Variants in MGAT5 observed in about 807,000 individuals in gnomAD.
MGAT5 encodes alpha-1,6-mannosylglycoprotein 6-beta-N-acetylglucosaminyltransferase, also known as alpha-1,6-mannosylglycoprotein 6-beta-N-acetylglucosaminyltransferase A.
In MGAT5, 30 loss-of-function variants were observed where a neutral mutation model predicts 94.3. The observed-to-expected ratio is 0.32, with a 90% CI of 0.24 to 0.43. MGAT5 has a LOEUF of 0.43. Ranked by LOEUF, MGAT5 falls within the 20% of genes least tolerant of loss-of-function variation. MGAT5 has a pLI of 1.00. For synonymous variants in MGAT5, 310 were observed against 322.9 expected, an observed-to-expected ratio of 0.96 and a Z score of 0.43; for missense variants, 691 against 905.5, an observed-to-expected ratio of 0.76 and a Z score of 3.04.
In MGAT5 at chr2:134,422,937, C is replaced by T. The variant is rs1303246847; in HGVS notation, c.1794+18C>T. On this transcript the variant is annotated intron_variant, in intron 13 of 15. Transcript: ENST00000281923. Reference sequence around the variant, plus strand: ...ATCAGAAGGTTGGTTCATTTTATTCCACTTTCCCTCCTTTCTAATGTGACC... The same window carrying T: ...ATCAGAAGGTTGGTTCATTTTATTCTACTTTCCCTCCTTTCTAATGTGACC... 1.3e-6 allele frequency: 2 copies of T among 1,563,710 alleles called. No homozygotes were observed. The highest frequency in any genetic ancestry group is 1.7e-5 in the Admixed American group (1 of 59,882).
intron 15 of MGAT5, among the ~76,000 whole-genome samples, chr2:134,444,352 C>T (rs1396966334): frequency 6.6e-6 from 1 of 152,216 alleles, no homozygotes; most frequent in African/African-American, 2.4e-5. Flanking sequence ...CATGGGATCG[C>T]TGGACCCCAC....
At chr2:134,430,070 C>T (rs1465911777) in intron 14 of MGAT5, among the ~76,000 whole-genome samples, 1 of 152,194 alleles carries the variant, frequency 6.6e-6, no homozygotes, top group East Asian at 1.9e-4. Flanking sequence ...TCAAGGGCTG[C>T]TCACCCTTCC....
chr2:134,357,877 G>GAA (rs33942316), intron 9 of MGAT5, among the ~76,000 whole-genome samples: 8,472 of 147,506 alleles, frequency 0.057, 312 homozygotes, highest in South Asian at 0.14. Flanking sequence ...CCACCATTTG[G>GAA]AAAAAAAAAA....
At chr2:134,375,608 A>C (rs1037188221) in intron 10 of MGAT5, among the ~76,000 whole-genome samples, 3 of 152,278 alleles carry the variant, frequency 2.0e-5, no homozygotes, top group African/African-American at 7.2e-5. Context: ...CTTGCGTATC[A>C]GGACTTCAAA....
chr2:134,170,970 A>T (rs1274086378), intron 1 of MGAT5, among the ~76,000 whole-genome samples: 1 of 151,088 alleles, frequency 6.6e-6, no homozygotes, highest in Non-Finnish European at 1.5e-5. Flanking sequence ...GTGATTTCTC[A>T]TGCCTCAGCC....
At chr2:134,417,169 A>C (rs1175780224) in intron 12 of MGAT5, among the ~76,000 whole-genome samples, 1 of 152,082 alleles carries the variant, frequency 6.6e-6, no homozygotes, top group East Asian at 1.9e-4. Flanking sequence ...GCTAGAATTT[A>C]CTTTTTACTT....
chr2:134,325,010 TAA>T lies in MGAT5; in HGVS notation c.573+6283_573+6284del, dbSNP rs34721704. Among the ~76,000 whole-genome samples, 295 of 148,148 alleles carry T rather than the reference TAA, an allele frequency of 2.0e-3. 1 individual carries two copies. The highest frequency in any genetic ancestry group is 0.017 in the East Asian group (88 of 5,050). ...CTAAGACATCCTTAGTAAAAGAATT[TAA>T]AAAAAAAAAAATCCTGAGTTTACAG... On this transcript the variant is annotated intron_variant, in intron 4 of 15. Coordinates refer to ENST00000281923, the MANE Select transcript of MGAT5 (RefSeq NM_002410.5).
chr2:134,422,723 C>G (rs1489140810), intron 12 of MGAT5, 80 bp from the exon 13 acceptor site: 18 of 1,010,174 alleles, frequency 1.8e-5, no homozygotes, highest in Non-Finnish European at 2.5e-5. Context: ...AACTCAGTAC[C>G]ATAAAAAGCA....
chr2:134,326,016 G>A (rs940352778), intron 4 of MGAT5, among the ~76,000 whole-genome samples: 2 of 148,578 alleles, frequency 1.3e-5, no homozygotes, highest in African/African-American at 2.5e-5. Flanking sequence ...GAGTTGGGAG[G>A]CACATAATGC....
chr2:134,437,846 C>G (rs1685254477), intron 14 of MGAT5, among the ~76,000 whole-genome samples: 1 of 151,968 alleles, frequency 6.6e-6, no homozygotes. Context: ...GAAACCCCGT[C>G]TTTACTAAAA....
At chr2:134,371,571 G>C (rs934101555) in intron 10 of MGAT5, among the ~76,000 whole-genome samples, 3 of 152,162 alleles carry the variant, frequency 2.0e-5, no homozygotes, top group Non-Finnish European at 4.4e-5. Flanking sequence ...AATCATGCTT[G>C]GGATTGCCAC....
intron 12 of MGAT5, among the ~76,000 whole-genome samples, chr2:134,417,952 T>C (rs1401825689): frequency 6.6e-6 from 1 of 152,188 alleles, no homozygotes; most frequent in Non-Finnish European, 1.5e-5. Context: ...CCCTATCTTT[T>C]CTTACTGCAG....
At chr2:134,374,742 C>T (rs1266201453) in intron 10 of MGAT5, among the ~76,000 whole-genome samples, 1 of 152,220 alleles carries the variant, frequency 6.6e-6, no homozygotes, top group African/African-American at 2.4e-5. Context: ...CCTGTAATCC[C>T]AGTACTTTGG....
Position 134,338,362 on chromosome 2 carries a change from T to C in MGAT5, c.749T>C (p.Ile250Thr). 1 of 1,612,762 alleles carries C rather than the reference T, an allele frequency of 6.2e-7. No individual in the cohort carries two copies. Among genetic ancestry groups the C allele is most frequent in the Non-Finnish European group, 8.5e-7 (1 of 1,179,398 alleles). ...LRIRRMADAW[I>T]QAIKSLAEKQ... ...ATCCGGCGAATGGCTGACGCATGGA[T>C]CCAAGCAATCAAGTCCCTGGCAGAA... The change falls in exon 6 of 16, where the codon ATC (isoleucine) becomes ACC (threonine). Residue 250 changes from isoleucine to threonine, a missense_variant. Around this residue, in one of 4 missense-constraint regions of MGAT5, gnomAD observed 307 missense variants for 335.4 expected, o/e 0.92. Coordinates refer to ENST00000281923, the MANE Select transcript of MGAT5 (RefSeq NM_002410.5).
chr2:134,201,251 C>T (rs949207787), intron 1 of MGAT5, among the ~76,000 whole-genome samples: 1 of 151,884 alleles, frequency 6.6e-6, no homozygotes, highest in South Asian at 2.1e-4. Flanking sequence ...TAGCTATAGT[C>T]GAGTGTTAAA....
At chr2:134,337,840 A>C (rs1232654492) in intron 5 of MGAT5, among the ~76,000 whole-genome samples, 1 of 150,418 alleles carries the variant, frequency 6.6e-6, no homozygotes, top group Admixed American at 6.6e-5. Flanking sequence ...CTTTCTGGCA[A>C]CTTCCACGTT....
chr2:134,403,003 T>C lies in MGAT5; in HGVS notation c.1396T>C (p.Leu466=), dbSNP rs1399729651. Residue 466 remains leucine, a synonymous_variant, in exon 11 of 16, where the codon TTG becomes CTG. Coordinates refer to ENST00000281923, the MANE Select transcript of MGAT5 (RefSeq NM_002410.5). ...TCTTCTTTAGAATAAGAAGATCTAC[T>C]TGGACATTATTCACACATACATGGA... ...DSFWKNKKIY[L]DIIHTYMEVH... 1 of 1,596,170 alleles carries C rather than the reference T, an allele frequency of 6.3e-7. No homozygotes were observed. The highest frequency in any genetic ancestry group is 1.2e-5 in the South Asian group (1 of 86,918).
intron 2 of MGAT5, among the ~76,000 whole-genome samples, chr2:134,275,266 C>T (rs1214093828): frequency 6.6e-6 from 1 of 152,190 alleles, no homozygotes; most frequent in Admixed American, 6.5e-5. Context: ...CAAATATGTT[C>T]TGTCTATCTA....
chr2:134,351,136 T>C (rs1679356082), intron 9 of MGAT5, among the ~76,000 whole-genome samples: 1 of 152,160 alleles, frequency 6.6e-6, no homozygotes, highest in Non-Finnish European at 1.5e-5. Flanking sequence ...TTTGTGAAAG[T>C]GTGTTGTATG....
Sources: allele counts gnomAD v4.1 joint callset (sites outside exome capture counted in the v4.1 genomes callset), GRCh38; gene constraint gnomAD v4.1.1; regional missense constraint gnomAD v4.1.1; transcripts MANE v1.5; gene names NCBI Gene and HGNC (gene_info 2026-07-23, HGNC 2026-07-21).